SLC6A20: variants seen among roughly 807,000 people sequenced by gnomAD.
The protein encoded by SLC6A20 is solute carrier family 6 member 20.
In SLC6A20, 73 loss-of-function variants were observed where a neutral mutation model predicts 64.3. The observed-to-expected ratio is 1.14, with a 90% CI of 0.94 to 1.38. The LOEUF is 1.38. Ranked by LOEUF, SLC6A20 falls within the 40% of genes most tolerant of loss-of-function variation. The pLI, the probability that SLC6A20 is intolerant of heterozygous loss-of-function variation, is 0.00. For missense variants in SLC6A20, 725 were observed against 772.8 expected, an observed-to-expected ratio of 0.94 and a Z score of 0.73; for synonymous variants, 347 against 329.6, an observed-to-expected ratio of 1.05 and a Z score of -0.57.
In SLC6A20 at chr3:45,759,189, GGCCCATCCGT is replaced by G; in HGVS notation, c.1630-72_1630-63del. 3 of 1,514,416 alleles carry G rather than the reference GGCCCATCCGT, an allele frequency of 2.0e-6. No individual in the cohort carries two copies. The East Asian group carries it at 7.1e-5, about 36-fold the overall frequency. 93.8% of individuals were successfully genotyped at this position (1,514,416 alleles called of 1,614,324 possible). ...GCTGAGCACTGCCCCTGGGCCTCAG[GGCCCATCCGT>G]GATGGGGAGGTGATGTGACGTGGGC... On this transcript the variant is annotated intron_variant, in intron 10 of 10. Coordinates refer to ENST00000358525, the MANE Select transcript of SLC6A20 (RefSeq NM_020208.4).
rs552035373 is a variant in SLC6A20, at chr3:45,763,960, C to T, written c.1304-888G>A. 3.1e-4 allele frequency among the ~76,000 whole-genome samples: 47 copies of T among 152,300 alleles called. 1 individual carries two copies. The highest frequency in any genetic ancestry group is 4.9e-4 in the Non-Finnish European group (33 of 68,020). On this transcript the variant is annotated intron_variant, in intron 8 of 10. Transcript: ENST00000358525. ...GCACACCTAGTGTTGGCTACAAAGA[C>T]CAGGCCTGAGGAGGGGGTCTAAGTG...
chr3:45,770,349 T>A lies in SLC6A20; in HGVS notation c.958A>T (p.Thr320Ser). 1.9e-6 allele frequency: 3 copies of A among 1,613,994 alleles called. No individual in the cohort carries two copies. Among genetic ancestry groups the A allele is most frequent in the Non-Finnish European group, 1.7e-6 (2 of 1,180,016 alleles). ...LKKVSLLLTNTFDLEDGFLTA... is the reference protein window; with the variant it reads ...LKKVSLLLTNSFDLEDGFLTA... ...AAAAAGCCATCTTCAAGGTCAAAAG[T>A]GTTGGTCAGCAGCAGACTCACCCTG... Residue 320 changes from threonine to serine, a missense_variant, in exon 7 of 11, where the codon ACT becomes TCT. By Grantham distance (58) the Thr-to-Ser change is moderately conservative. Coordinates refer to ENST00000358525, the MANE Select transcript of SLC6A20 (RefSeq NM_020208.4).
At chr3:45,776,050 G>A in intron 3 of SLC6A20, 62 bp from the exon 4 acceptor site, 1 of 1,514,616 alleles carries the variant, frequency 6.6e-7, no homozygotes, top group Non-Finnish European at 9.1e-7. Context: ...GCTGTGGCAG[G>A]GGTGAGGGAG....
At chr3:45,764,724 A>AT (rs56798576) in intron 8 of SLC6A20, among the ~76,000 whole-genome samples, 1 of 141,178 alleles carries the variant, frequency 7.1e-6, no homozygotes, top group Non-Finnish European at 1.5e-5. Flanking sequence ...AAAAAAAAAA[A>AT]GGAAAAAAAC....
At chr3:45,782,809 C>T (rs1700119736) in intron 1 of SLC6A20, among the ~76,000 whole-genome samples, 1 of 152,224 alleles carries the variant, frequency 6.6e-6, no homozygotes, top group Non-Finnish European at 1.5e-5. Flanking sequence ...AGTTGTTGAA[C>T]TCTTTAAATT....
At position 45,762,898 on chromosome 3, in the gene SLC6A20, C is replaced by T; in HGVS notation, c.1463+15G>A. 1 of 1,613,722 alleles carries T rather than the reference C, an allele frequency of 6.2e-7. No homozygotes were observed. The highest frequency in any genetic ancestry group is 8.5e-7 in the Non-Finnish European group (1 of 1,179,748). On this transcript the variant is annotated intron_variant, in intron 9 of 10. Transcript: ENST00000358525. The stretch of plus-strand genomic sequence containing the variant: ...GTGTTTTCCCTATGCAAATGAGGGT[C>T]CTGGGCCTCCTCACCTCCTCAGCCC...
At chr3:45,761,222 A>ACC (rs1699674772) in intron 9 of SLC6A20, among the ~76,000 whole-genome samples, 1 of 136,470 alleles carries the variant, frequency 7.3e-6, no homozygotes, top group Non-Finnish European at 1.6e-5. Flanking sequence ...ACACCCCCAT[A>ACC]ACCCCCCCCC....
intron 7 of SLC6A20, among the ~76,000 whole-genome samples, chr3:45,768,969 T>C (rs1001594941): frequency 1.3e-5 from 2 of 152,138 alleles, no homozygotes; most frequent in Non-Finnish European, 2.9e-5. Flanking sequence ...AATGCAAAAT[T>C]TGATCTGCAG....
chr3:45,760,079 G>A (rs567969313), intron 9 of SLC6A20, 57 bp from the exon 10 acceptor site: 95 of 1,548,768 alleles, frequency 6.1e-5, no homozygotes, highest in Middle Eastern at 1.8e-4. Context: ...AGGTCAGGGC[G>A]TCCAGCTTGC....
At chr3:45,759,761 A>G (rs1699630745) in intron 10 of SLC6A20, 96 bp downstream of exon 10, 4 of 1,416,888 alleles carry the variant, frequency 2.8e-6, no homozygotes, top group Non-Finnish European at 3.8e-6. Context: ...ACCTACCCAC[A>G]CCATGGAAAT....
At chr3:45,766,821 C>T (rs1490642568) in intron 7 of SLC6A20, among the ~76,000 whole-genome samples, 1 of 152,184 alleles carries the variant, frequency 6.6e-6, no homozygotes, top group Non-Finnish European at 1.5e-5. Context: ...TTGGACTTCT[C>T]AGCCTCTAGG....
rs919509573 is a variant in SLC6A20, at chr3:45,770,456, T to C, written c.936-85A>G. 3.2e-5 allele frequency: 49 copies of C among 1,517,654 alleles called. No individual in the cohort carries two copies. In the Middle Eastern group the frequency reaches 7.1e-4, roughly 22 times the overall value. The allele number at this position is 1,517,654 out of a possible 1,614,324, so 94.0% of individuals were successfully genotyped here. On this transcript the variant is annotated intron_variant, in intron 6 of 10. Transcript: ENST00000358525. ...CTCCCGTCAGCCTCTTCTTTTCTGA[T>C]TAGGTGAGGAAAGGGAGTCTGTTGC... is the stretch of plus-strand genomic sequence containing the variant.
rs1344227752 is a variant in SLC6A20, at chr3:45,796,339, G to A, written c.81C>T (p.Asn27=). The A allele has an allele frequency of 6.2e-7, 1 of 1,611,950 alleles. No individual in the cohort carries two copies. Among genetic ancestry groups the A allele is most frequent in the South Asian group, 1.1e-5 (1 of 90,838 alleles). The stretch of plus-strand genomic sequence containing the variant: ...GGCACAGGTACGGGAATCGCCACAC[G>A]TTGCCCAGGCCCACGGCGTACGAGA... ...ACISYAVGLG[N]VWRFPYLCQM... The change falls in exon 1 of 11, where the codon AAC becomes AAT. Residue 27 remains asparagine, a synonymous_variant. Coordinates refer to ENST00000358525, the MANE Select transcript of SLC6A20 (RefSeq NM_020208.4).
At chr3:45,776,459 G>C (rs898272988) in intron 3 of SLC6A20, among the ~76,000 whole-genome samples, 4 of 152,134 alleles carry the variant, frequency 2.6e-5, no homozygotes, top group African/African-American at 4.8e-5. Flanking sequence ...AAGTGACAGA[G>C]AGCCCAGTTC....
At position 45,796,518 on chromosome 3, in the gene SLC6A20, G is replaced by C. The variant is rs886058549; in HGVS notation, c.-99C>G. On this transcript the variant is annotated 5_prime_UTR_variant, in exon 1 of 11. Transcript: ENST00000358525. ...CGCCGTCCCACCCCGGCTCGGCTTG[G>C]GGGTGGCCCCGCGCCTCCGCCGCCG... The C allele has an allele frequency of 1.7e-4, 216 of 1,266,960 alleles. No individual in the cohort carries two copies. Among genetic ancestry groups the C allele is most frequent in the African/African-American group, 9.5e-4 (60 of 63,192 alleles). 78.5% of individuals were successfully genotyped at this position (1,266,960 alleles called of 1,614,324 possible).
At chr3:45,780,163 A>C (rs1045952853) in intron 2 of SLC6A20, 63 bp from the exon 3 acceptor site, 8 of 1,499,724 alleles carry the variant, frequency 5.3e-6, no homozygotes, top group Non-Finnish European at 7.3e-6. Flanking sequence ...CGCCAGGCCC[A>C]GCGTGTGCTC....
At chr3:45,762,871 C>G (rs1341293529) in intron 9 of SLC6A20, 42 bp downstream of exon 9, 1 of 1,607,440 alleles carries the variant, frequency 6.2e-7, no homozygotes, top group Non-Finnish European at 8.5e-7. Context: ...GCCTCTGTGG[C>G]TGTGTTTTCC....
chr3:45,759,158 G>A (rs1326694687), intron 10 of SLC6A20, 31 bp from the exon 11 acceptor site: 3 of 1,588,396 alleles, frequency 1.9e-6, no homozygotes, highest in Non-Finnish European at 1.7e-6. Flanking sequence ...TCAGCAGAGA[G>A]CACCTGCTGA....
At position 45,759,905 on chromosome 3, in the gene SLC6A20, G is replaced by C; in HGVS notation, c.1581C>G (p.Asp527Glu). Reference protein sequence around the residue: ...IVSLFVFYLSDYILTGTLKYQ... With the variant: ...IVSLFVFYLSEYILTGTLKYQ... ...ACTTCAGGGTCCCCGTGAGGATGTA[G>C]TCGCTCAGGTAGAAGACAAAGAGGC... Residue 527 changes from aspartate to glutamate, a missense_variant, in exon 10 of 11, where the codon GAC becomes GAG. Asp to Glu is a conservative substitution (Grantham distance 45). Transcript: ENST00000358525. 1 of 1,614,190 alleles carries C rather than the reference G, an allele frequency of 6.2e-7. No homozygotes were observed.
Sources: gnomAD v4.1 joint callset for allele counts (sites outside exome capture counted in the v4.1 genomes callset) on GRCh38, gnomAD v4.1.1 for gene constraint, MANE v1.5 for transcripts, NCBI Gene and HGNC (gene_info 2026-07-23, HGNC 2026-07-21) for gene names.